GPATCH8: variants seen among roughly 807,000 people sequenced by gnomAD.
GPATCH8 encodes the protein G-patch domain containing 8.
A neutral mutation model predicts 118.3 loss-of-function variants in GPATCH8; 18 were observed. The observed-to-expected ratio is 0.15, with a 90% CI of 0.11 to 0.23. GPATCH8 has a LOEUF of 0.23. Ranked by LOEUF, GPATCH8 falls within the 10% of genes least tolerant of loss-of-function variation. The probability of loss-of-function intolerance (pLI) is 1.00; values close to 1 mark genes in which losing one functional copy is unlikely to be tolerated. For missense variants in GPATCH8, 1,631 were observed against 1,873.8 expected (o/e 0.87, Z 2.39); for synonymous variants, 659 against 684.7 (o/e 0.96, Z 0.59).
chr17:44,455,541 T>C (rs1598539704), intron 3 of GPATCH8, among the ~76,000 whole-genome samples: 1 of 151,892 alleles, frequency 6.6e-6, no homozygotes, highest in African/African-American at 2.4e-5. Flanking sequence ...AATGAGCATA[T>C]TAATATCTAT....
At chr17:44,465,310 T>C (rs2051719093) in intron 2 of GPATCH8, 1 of 152,114 alleles carries the variant, frequency 6.6e-6, no homozygotes, top group Admixed American at 6.5e-5. Flanking sequence ...AAAGAACCAT[T>C]AGTGCATGTA....
intron 5 of GPATCH8, among the ~76,000 whole-genome samples, chr17:44,426,064 G>A (rs546418669): frequency 9.9e-5 from 15 of 152,214 alleles, no homozygotes; most frequent in Admixed American, 2.6e-4. Context: ...AGCCAGACAA[G>A]GCAAAGCTAA....
chr17:44,409,973 G>A (rs775095715), intron 6 of GPATCH8, among the ~76,000 whole-genome samples: 7 of 152,126 alleles, frequency 4.6e-5, no homozygotes, highest in Non-Finnish European at 8.8e-5. Context: ...TTGATATAAA[G>A]TATTCTCGTA....
intron 5 of GPATCH8, among the ~76,000 whole-genome samples, chr17:44,431,970 G>A (rs180912493): frequency 6.6e-6 from 1 of 151,914 alleles, no homozygotes; most frequent in Admixed American, 6.6e-5. Flanking sequence ...AGCAGTCAGA[G>A]TAGTGACTAA....
chr17:44,466,907 T>TCC (rs112633719), intron 2 of GPATCH8, among the ~76,000 whole-genome samples: 1 of 149,974 alleles, frequency 6.7e-6, no homozygotes, highest in Non-Finnish European at 1.5e-5. Flanking sequence ...AAATTGTTGC[T>TCC]CCCCCCCCCT....
At chr17:44,439,702 T>A (rs926214943) in intron 3 of GPATCH8, among the ~76,000 whole-genome samples, 4 of 152,058 alleles carry the variant, frequency 2.6e-5, no homozygotes, top group African/African-American at 9.7e-5. Flanking sequence ...ACTTACAATA[T>A]CTGAATACCA....
At chr17:44,437,281 C>T (rs903899621) in intron 3 of GPATCH8, among the ~76,000 whole-genome samples, 4 of 152,098 alleles carry the variant, frequency 2.6e-5, no homozygotes, top group African/African-American at 9.7e-5. Flanking sequence ...AGAAAATTGA[C>T]TTTAAACTAA....
chr17:44,441,339 G>GT (rs2050681771), intron 3 of GPATCH8, among the ~76,000 whole-genome samples: 2 of 152,224 alleles, frequency 1.3e-5, no homozygotes, highest in Non-Finnish European at 2.9e-5. Flanking sequence ...GTCAACAGAT[G>GT]TAAGAATACC....
At chr17:44,441,650 G>A (rs552066824) in intron 3 of GPATCH8, among the ~76,000 whole-genome samples, 1 of 151,980 alleles carries the variant, frequency 6.6e-6, no homozygotes, top group African/African-American at 2.4e-5. Context: ...CTTTAACCCG[G>A]GAGGCAGAGG....
At position 44,398,124 on chromosome 17, in the gene GPATCH8, T is replaced by C. The variant is rs756573253; in HGVS notation, c.3953A>G (p.Glu1318Gly). The C allele has an allele frequency of 1.2e-6, 2 of 1,613,866 alleles. No individual in the cohort carries two copies. Among genetic ancestry groups the C allele is most frequent in the Non-Finnish European group, 1.7e-6 (2 of 1,179,848 alleles). Residue 1318 changes from glutamate (E) to glycine (G), a missense_variant, in exon 8 of 8, where the codon GAG becomes GGG. Around this residue, in one of 8 missense-constraint regions of GPATCH8, gnomAD observed 13 missense variants for 35.9 expected, o/e 0.36. Coordinates refer to ENST00000591680, the MANE Select transcript of GPATCH8 (RefSeq NM_001002909.4). ...AGCCTGCTGGAGCTTGCTGTACTTCTCCATCTCCTCAGGGGTGAAGGTGAT... is the reference window on the plus strand; with the variant it reads ...AGCCTGCTGGAGCTTGCTGTACTTCCCCATCTCCTCAGGGGTGAAGGTGAT... ...QPITFTPEEM[E>G]KYSKLQQAAQ...
intron 1 of GPATCH8, among the ~76,000 whole-genome samples, chr17:44,496,014 C>T (rs539512833): frequency 2.6e-5 from 4 of 152,206 alleles, no homozygotes; most frequent in South Asian, 4.1e-4. Flanking sequence ...ACTACAGGAG[C>T]GCACCACCAC....
chr17:44,455,883 G>C (rs754808111), intron 3 of GPATCH8, among the ~76,000 whole-genome samples: 1 of 152,096 alleles, frequency 6.6e-6, no homozygotes, highest in African/African-American at 2.4e-5. Context: ...GAGTAGCTGG[G>C]ATTACAGGCA....
intron 5 of GPATCH8, among the ~76,000 whole-genome samples, chr17:44,424,815 T>G (rs2050033329): frequency 6.6e-6 from 1 of 152,224 alleles, no homozygotes; most frequent in African/African-American, 2.4e-5. Context: ...ATAAGGGATA[T>G]ACAACCTGTA....
chr17:44,433,652 G>A (rs1323948606), intron 5 of GPATCH8, among the ~76,000 whole-genome samples: 1 of 152,130 alleles, frequency 6.6e-6, no homozygotes, highest in East Asian at 1.9e-4. Flanking sequence ...GACCACTCTT[G>A]TGCCTAGAGA....
At chr17:44,472,723 TCTCG>T (rs1967390460) in intron 2 of GPATCH8, among the ~76,000 whole-genome samples, 1 of 152,084 alleles carries the variant, frequency 6.6e-6, no homozygotes, top group African/African-American at 2.4e-5. Context: ...TGAGATGGAG[TCTCG>T]CTCTGTCACC....
At chr17:44,470,023 C>T (rs1250198124) in intron 2 of GPATCH8, among the ~76,000 whole-genome samples, 1 of 152,208 alleles carries the variant, frequency 6.6e-6, no homozygotes. Flanking sequence ...GCTTACACTA[C>T]ATTTTTAAAC....
In GPATCH8 at chr17:44,400,055, C is replaced by G. The variant is rs536613132; in HGVS notation, c.2022G>C (p.Arg674=). 3 of 1,613,788 alleles carry G rather than the reference C, an allele frequency of 1.9e-6. No individual in the cohort carries two copies. In the South Asian group the frequency reaches 3.3e-5, roughly 18 times the overall value. ...TTTTGTGCTTCTTTTTCTTTTTGTGCCGGTGGGACTTCCCAGATCGTTCTT... is the reference window on the plus strand; with the variant it reads ...TTTTGTGCTTCTTTTTCTTTTTGTGGCGGTGGGACTTCCCAGATCGTTCTT... ...SKKERSGKSH[R]HKKKKKHKKS... Residue 674 remains arginine (R), a synonymous_variant, in exon 8 of 8, where the codon CGG becomes CGC. Transcript: ENST00000591680.
chr17:44,427,967 T>TTA (rs1434653219), intron 5 of GPATCH8, among the ~76,000 whole-genome samples: 1 of 152,162 alleles, frequency 6.6e-6, no homozygotes, highest in Non-Finnish European at 1.5e-5. Context: ...ATTTCCCACT[T>TTA]TGAGACCACA....
intron 1 of GPATCH8, among the ~76,000 whole-genome samples, chr17:44,496,580 G>A (rs888892740): frequency 1.3e-5 from 2 of 152,112 alleles, no homozygotes; most frequent in African/African-American, 4.8e-5. Flanking sequence ...AGGAATTATT[G>A]TACCTCAAAA....
Sources: gnomAD v4.1 joint callset for allele counts (sites outside exome capture counted in the v4.1 genomes callset) on GRCh38, gnomAD v4.1.1 for gene constraint, gnomAD v4.1.1 regional missense constraint, MANE v1.5 for transcripts, NCBI Gene and HGNC (gene_info 2026-07-23, HGNC 2026-07-21) for gene names.